The following ANO1 variants were observed in gnomAD, a reference collection of about 807,000 sequenced individuals.
ANO1 encodes the protein anoctamin-1.
In ANO1, 59 loss-of-function variants were observed where a neutral mutation model predicts 124.0. That is an observed-to-expected ratio of 0.48 (90% CI 0.39 to 0.59). ANO1 has a LOEUF of 0.59. Among genes scored for constraint, ANO1 ranks in the 20% least tolerant of loss-of-function variants. ANO1 has a pLI of 0.00. For synonymous variants in ANO1, 529 were observed against 532.0 expected (o/e 0.99, Z 0.08); for missense variants, 1,059 against 1,328.0 (o/e 0.80, Z 3.15).
In ANO1 at chr11:70,122,229, A is replaced by C. The variant is rs1169725881; in HGVS notation, c.898-2121A>C. Among the ~76,000 whole-genome samples, 168 of 23,022 alleles carry C rather than the reference A, an allele frequency of 7.3e-3. 1 individual carries two copies. The highest frequency in any genetic ancestry group is 0.017 in the Admixed American group (22 of 1,298). 15.1% of individuals were successfully genotyped at this position (23,022 alleles called of 152,430 possible). Reference sequence around the variant, plus strand: ...TGCCTCTGTCTCTGTCTCTCTCTCCATCTCCCCCACCTCTCTGTCTGTCTC... The same window carrying C: ...TGCCTCTGTCTCTGTCTCTCTCTCCCTCTCCCCCACCTCTCTGTCTGTCTC... On this transcript the variant is annotated intron_variant, in intron 8 of 25. Transcript: ENST00000355303.
chr11:70,128,924 C>A (rs1019550648), intron 10 of ANO1, among the ~76,000 whole-genome samples: 11 of 152,238 alleles, frequency 7.2e-5, no homozygotes, highest in African/African-American at 2.7e-4. Flanking sequence ...TACGCCTTGG[C>A]CCTGCCTGTC....
upstream of ANO1, among the ~76,000 whole-genome samples, chr11:70,077,432 G>T (rs1940238): frequency 0.82 from 125,075 of 152,174 alleles, 52,073 homozygotes; most frequent in East Asian, 0.97. Context: ...TGGATGTGGT[G>T]GCCAGCATGG....
chr11:69,979,122 C>T, the ANO1 span, among the ~76,000 whole-genome samples: 1 of 152,230 alleles, frequency 6.6e-6, no homozygotes, highest in Non-Finnish European at 1.5e-5. Flanking sequence ...TTGAGCCTTT[C>T]ACCTGTCTCA....
intron 8 of ANO1, among the ~76,000 whole-genome samples, chr11:70,117,361 G>A (rs868361091): frequency 3.3e-5 from 5 of 151,936 alleles, no homozygotes; most frequent in African/African-American, 1.2e-4. Context: ...GTGAGTCACC[G>A]CACCCAGCCA....
intron 1 of ANO1, among the ~76,000 whole-genome samples, chr11:70,008,575 C>A (rs1555000490): frequency 6.6e-6 from 1 of 152,022 alleles, no homozygotes. Flanking sequence ...TATTTCTGGG[C>A]TCTCTGTTCT....
intron 2 of ANO1, among the ~76,000 whole-genome samples, chr11:70,089,832 G>A (rs1451298025): frequency 6.6e-6 from 1 of 152,206 alleles, no homozygotes; most frequent in African/African-American, 2.4e-5. Flanking sequence ...GAACAATGCG[G>A]CTACTATACA....
intron 1 of ANO1, among the ~76,000 whole-genome samples, chr11:70,078,987 G>A (rs1433404655): frequency 6.6e-6 from 1 of 152,006 alleles, no homozygotes; most frequent in Non-Finnish European, 1.5e-5. Flanking sequence ...GCCCGGCCTC[G>A]GAGCTCTGCG....
chr11:70,104,041 A>G lies in ANO1; in HGVS notation c.583A>G (p.Asn195Asp). ...NETRGLLKKI[N>D]SVLQKITDPI... ...GACCCGTGGCCTCCTGAAAAAAATC[A>G]ACTCTGTGCTCCAGAAAATCACAGA... Residue 195 changes from asparagine to aspartate, a missense_variant, in exon 4 of 26, where the codon AAC becomes GAC. This residue lies in a region of ANO1 where 809 missense variants were observed against 1,094.9 expected (regional missense o/e 0.74). Coordinates refer to ENST00000355303, the MANE Select transcript of ANO1 (RefSeq NM_018043.7). The G allele has an allele frequency of 1.2e-6, 2 of 1,612,536 alleles. No individual in the cohort carries two copies. Among genetic ancestry groups the G allele is most frequent in the Non-Finnish European group, 1.7e-6 (2 of 1,179,382 alleles).
chr11:70,118,082 C>A (rs2135440625), intron 8 of ANO1, among the ~76,000 whole-genome samples: 1 of 152,128 alleles, frequency 6.6e-6, no homozygotes, highest in South Asian at 2.1e-4. Flanking sequence ...ACCCCTCTGG[C>A]ACTTGGCAGA....
chr11:70,142,785 G>A (rs995827374), intron 11 of ANO1, among the ~76,000 whole-genome samples: 1 of 152,132 alleles, frequency 6.6e-6, no homozygotes, highest in Non-Finnish European at 1.5e-5. Context: ...TTTGGCCCAC[G>A]CCTTGGCTTT....
chr11:70,095,645 C>T (rs879596167), intron 2 of ANO1, among the ~76,000 whole-genome samples: 4 of 152,230 alleles, frequency 2.6e-5, no homozygotes, highest in Non-Finnish European at 5.9e-5. Flanking sequence ...ATTCTGCAAG[C>T]TGGTTGTTAC....
chr11:69,970,828 C>A, the ANO1 span, among the ~76,000 whole-genome samples: 1 of 152,316 alleles, frequency 6.6e-6, no homozygotes, highest in African/African-American at 2.4e-5. Flanking sequence ...TCTCTCAGGC[C>A]GCCCTCCCAT....
chr11:70,133,132 G>A (rs76315998), intron 11 of ANO1, among the ~76,000 whole-genome samples: 5,457 of 152,218 alleles, frequency 0.036, 313 homozygotes, highest in African/African-American at 0.12. Context: ...AGCTGTACCC[G>A]CTTGGCACTG....
chr11:70,108,408 A>C lies in ANO1; in HGVS notation c.799+4A>C, dbSNP rs1292912646. On this transcript the variant is annotated splice_donor_region_variant and intron_variant, in intron 6 of 25. Coordinates refer to ENST00000355303, the MANE Select transcript of ANO1 (RefSeq NM_018043.7). ...ACAAAGGCCAAGTACAGCATGGGTA[A>C]GCACGTTTTTGGGGCTTGAGATCAG... 2 of 1,611,414 alleles carry C rather than the reference A, an allele frequency of 1.2e-6. No homozygotes were observed. The highest frequency in any genetic ancestry group is 2.2e-5 in the South Asian group (2 of 90,788).
At chr11:69,967,403 C>G in the ANO1 span, among the ~76,000 whole-genome samples, 1 of 152,244 alleles carries the variant, frequency 6.6e-6, no homozygotes, top group Admixed American at 6.5e-5. Flanking sequence ...TGAGCTTCAT[C>G]AGGTCCTAGG....
intron 1 of ANO1, among the ~76,000 whole-genome samples, chr11:70,087,340 C>T (rs1248819841): frequency 6.6e-6 from 1 of 152,096 alleles, no homozygotes; most frequent in African/African-American, 2.4e-5. Flanking sequence ...ATGATAGTCC[C>T]CTGTTGTACT....
At chr11:70,010,179 G>GTGTATGTGTGTGTATATATATATATATA in intron 1 of ANO1, among the ~76,000 whole-genome samples, 1 of 83,776 alleles carries the variant, frequency 1.2e-5, no homozygotes, top group Non-Finnish European at 2.4e-5. Flanking sequence ...GTGTGTGTGT[G>GTGTATGTGTGTGTATATATATATATATA]TATATATATA....
chr11:70,032,400 A>G (rs1857017485), intron 1 of ANO1, among the ~76,000 whole-genome samples: 1 of 152,128 alleles, frequency 6.6e-6, no homozygotes, highest in African/African-American at 2.4e-5. Flanking sequence ...ATCTACCTCA[A>G]AGGCCCAGGG....
chr11:70,064,240 A>C (rs1555008175), intron 1 of ANO1: 1 of 151,466 alleles, frequency 6.6e-6, no homozygotes, highest in Non-Finnish European at 1.5e-5. Context: ...TCTCACGCAC[A>C]CTCTCCGGGA....
Sources: allele counts gnomAD v4.1 joint callset (sites outside exome capture counted in the v4.1 genomes callset), GRCh38; gene constraint gnomAD v4.1.1; regional missense constraint gnomAD v4.1.1; transcripts MANE v1.5; gene names NCBI Gene and HGNC (gene_info 2026-07-23, HGNC 2026-07-21).